Variants in NAALADL2 observed in about 807,000 individuals in gnomAD.
The protein encoded by NAALADL2 is inactive N-acetylated-alpha-linked acidic dipeptidase-like protein 2.
Under a neutral mutation model 87.2 loss-of-function variants are expected in NAALADL2, and 76 were observed. The ratio of observed to expected loss-of-function variants is 0.87; its 90% CI spans 0.72 to 1.05. The LOEUF is 1.05. NAALADL2 is among the 50% of genes least tolerant of loss of function. The pLI is 0.00. For missense variants in NAALADL2, 1,089 were observed against 945.8 expected (o/e 1.15, Z -1.99); for synonymous variants, 354 against 331.0 (o/e 1.07, Z -0.75).
At chr3:174,484,896 C>T (rs550021348) in intron 1 of NAALADL2, among the ~76,000 whole-genome samples, 5 of 151,598 alleles carry the variant, frequency 3.3e-5, no homozygotes, top group Admixed American at 6.6e-5. Flanking sequence ...TATGGTATAG[C>T]TCCTATAGGC....
chr3:175,079,514 C>A (rs1005392465), intron 1 of NAALADL2: 9 of 152,178 alleles, frequency 5.9e-5, no homozygotes, highest in African/African-American at 2.2e-4. Flanking sequence ...AAAAAGTATG[C>A]TAGGTCTTAA....
chr3:175,152,884 G>A (rs1965268), intron 2 of NAALADL2, among the ~76,000 whole-genome samples: 41,943 of 151,648 alleles, frequency 0.28, 6,271 homozygotes, highest in Non-Finnish European at 0.34. Context: ...TCCAGTCTGG[G>A]CGACAGAGTG....
intron 10 of NAALADL2, among the ~76,000 whole-genome samples, chr3:175,609,801 C>T (rs528678387): frequency 6.6e-6 from 1 of 152,226 alleles, no homozygotes; most frequent in East Asian, 1.9e-4. Context: ...TCACTAGTCA[C>T]CTTTGTATTG....
chr3:175,317,179 C>T (rs1469211613), intron 4 of NAALADL2, among the ~76,000 whole-genome samples: 2 of 152,044 alleles, frequency 1.3e-5, no homozygotes, highest in Non-Finnish European at 2.9e-5. Context: ...CAACATGTTA[C>T]CAAATATACT....
At chr3:175,368,411 G>A (rs1276309329) in intron 5 of NAALADL2, among the ~76,000 whole-genome samples, 1 of 152,080 alleles carries the variant, frequency 6.6e-6, no homozygotes, top group Non-Finnish European at 1.5e-5. Context: ...CTATTGATTG[G>A]AATAGTTTCA....
intron 11 of NAALADL2, among the ~76,000 whole-genome samples, chr3:175,720,489 A>G (rs1485913308): frequency 6.6e-6 from 1 of 152,108 alleles, no homozygotes; most frequent in African/African-American, 2.4e-5. Flanking sequence ...AGAAAGTCAT[A>G]TCTTTTGACC....
chr3:174,493,098 A>G (rs1718304016), intron 1 of NAALADL2, among the ~76,000 whole-genome samples: 1 of 152,208 alleles, frequency 6.6e-6, no homozygotes, highest in Non-Finnish European at 1.5e-5. Context: ...TTTCAAAAAC[A>G]TAACTAGAAC....
intron 11 of NAALADL2, among the ~76,000 whole-genome samples, chr3:175,646,355 C>T (rs967284192): frequency 7.2e-5 from 11 of 151,910 alleles, no homozygotes; most frequent in Non-Finnish European, 1.6e-4. Context: ...GAATTACTAC[C>T]AATTCCTCAA....
intron 1 of NAALADL2, among the ~76,000 whole-genome samples, chr3:175,070,415 T>C (rs1326575333): frequency 6.6e-6 from 1 of 152,030 alleles, no homozygotes; most frequent in Non-Finnish European, 1.5e-5. Flanking sequence ...TAGAAATCAT[T>C]AAAACTTAAT....
At chr3:175,529,889 A>T (rs1401779495) in intron 9 of NAALADL2, among the ~76,000 whole-genome samples, 2 of 152,104 alleles carry the variant, frequency 1.3e-5, no homozygotes, top group Admixed American at 1.3e-4. Context: ...GTGAGGACAA[A>T]CCTCTGCCCT....
intron 2 of NAALADL2, among the ~76,000 whole-genome samples, chr3:174,607,657 A>G (rs1276595566): frequency 1.3e-5 from 2 of 152,158 alleles, no homozygotes; most frequent in Admixed American, 6.5e-5. Context: ...GAGCACCCAG[A>G]TTCATAAGGA....
chr3:175,104,287 G>A (rs1420657172), intron 2 of NAALADL2, among the ~76,000 whole-genome samples: 1 of 152,128 alleles, frequency 6.6e-6, no homozygotes, highest in Admixed American at 6.6e-5. Context: ...TAAACTGGCT[G>A]TGGAATCCAT....
At chr3:174,580,073 A>C (rs1197113525) in intron 2 of NAALADL2, among the ~76,000 whole-genome samples, 1 of 152,102 alleles carries the variant, frequency 6.6e-6, no homozygotes, top group East Asian at 1.9e-4. Context: ...TGTTTAAGAA[A>C]CTGATGGGGT....
intron 1 of NAALADL2, among the ~76,000 whole-genome samples, chr3:174,915,877 G>C (rs560574496): frequency 6.6e-6 from 1 of 152,118 alleles, no homozygotes; most frequent in East Asian, 1.9e-4. Context: ...AGATAAATGG[G>C]ACCTAACCAA....
intron 2 of NAALADL2, among the ~76,000 whole-genome samples, chr3:175,132,804 C>T (rs1031957364): frequency 1.5e-3 from 231 of 151,670 alleles, no homozygotes; most frequent in African/African-American, 5.2e-3. Flanking sequence ...ACCTCCCTCC[C>T]GGACGGGATG....
chr3:174,840,171 AT>A (rs1292172988), intron 3 of NAALADL2, among the ~76,000 whole-genome samples: 8 of 151,560 alleles, frequency 5.3e-5, no homozygotes. Flanking sequence ...ATATCTATAT[AT>A]GAGATGTATG....
intron 6 of NAALADL2, 128 bp downstream of exon 6, chr3:175,447,500 T>A (rs1356264842): frequency 1.7e-6 from 1 of 595,244 alleles, no homozygotes; most frequent in Admixed American, 4.0e-5. Flanking sequence ...GAAGTGAGCA[T>A]TATTTTCTTC....
chr3:174,745,618 T>A (rs945361432), intron 3 of NAALADL2, among the ~76,000 whole-genome samples: 4 of 152,074 alleles, frequency 2.6e-5, no homozygotes, highest in African/African-American at 9.7e-5. Flanking sequence ...CATCAAAACC[T>A]GGTAGAGATA....
chr3:174,739,097 G>T (rs1488610092), intron 3 of NAALADL2, among the ~76,000 whole-genome samples: 1 of 151,944 alleles, frequency 6.6e-6, no homozygotes, highest in Non-Finnish European at 1.5e-5. Flanking sequence ...AGCTTAAATA[G>T]GTATATTTTC....
Sources: gnomAD v4.1 joint callset for allele counts (sites outside exome capture counted in the v4.1 genomes callset) on GRCh38, gnomAD v4.1.1 for gene constraint, MANE v1.5 for transcripts, NCBI Gene and HGNC (gene_info 2026-07-23, HGNC 2026-07-21) for gene names.